Variants in SVOP observed in about 807,000 individuals in gnomAD.
SVOP encodes the protein SV2 related protein, also known as synaptic vesicle 2-related protein.
In SVOP, 17 loss-of-function variants were observed where a neutral mutation model predicts 69.1. That is an observed-to-expected ratio of 0.25 (90% CI 0.17 to 0.37). The LOEUF (loss-of-function observed/expected upper bound fraction) is 0.37. SVOP is among the 10% of genes least tolerant of loss of function. SVOP has a pLI of 1.00. For missense variants in SVOP, 435 were observed against 597.5 expected (o/e 0.73, Z 2.84); for synonymous variants, 238 against 238.6 (o/e 1.00, Z 0.02).
chr12:108,917,648 T>C (rs992867512), intron 14 of SVOP, among the ~76,000 whole-genome samples: 6 of 144,320 alleles, frequency 4.2e-5, no homozygotes, highest in African/African-American at 1.3e-4. Context: ...ACCTCATTCT[T>C]TTTTTTTTTT....
intron 2 of SVOP, among the ~76,000 whole-genome samples, chr12:108,981,964 A>ATCATCATCACCACCATCATCT (rs1392743660): frequency 6.6e-6 from 1 of 151,794 alleles, no homozygotes; most frequent in Non-Finnish European, 1.5e-5. Context: ...CATCATCTTC[A>ATCATCATCACCACCATCATCT]TCATCATCAC....
At chr12:109,019,883 A>AATCC (rs2040387034) in intron 1 of SVOP, among the ~76,000 whole-genome samples, 1 of 152,204 alleles carries the variant, frequency 6.6e-6, no homozygotes, top group African/African-American at 2.4e-5. Flanking sequence ...AGAAAAAAAT[A>AATCC]ATCCACCATT....
At chr12:108,949,418 C>A (rs1372775943) in intron 6 of SVOP, among the ~76,000 whole-genome samples, 2 of 152,062 alleles carry the variant, frequency 1.3e-5, no homozygotes, top group Non-Finnish European at 2.9e-5. Flanking sequence ...CAGGTGCATG[C>A]CACAATGCCC....
Position 108,912,289 on chromosome 12 carries a change from A to G in SVOP, c.*246T>C, listed in dbSNP as rs2039689142. 1.4e-6 allele frequency: 2 copies of G among 1,391,958 alleles called. No homozygotes were observed. Among genetic ancestry groups the G allele is most frequent in the East Asian group, 5.3e-5 (2 of 37,524 alleles). 86.2% of individuals were successfully genotyped at this position (1,391,958 alleles called of 1,614,324 possible). ...TAATATGGGTAGTCTTCCCATGTAG[A>G]TCCACAGGTTATGAACAAAGCTTTC... On this transcript the variant is annotated 3_prime_UTR_variant, in exon 16 of 16. Coordinates refer to ENST00000610966, the MANE Select transcript of SVOP (RefSeq NM_018711.5).
intron 13 of SVOP, among the ~76,000 whole-genome samples, chr12:108,918,606 C>T (rs1322696853): frequency 6.6e-6 from 1 of 152,156 alleles, no homozygotes; most frequent in East Asian, 1.9e-4. Context: ...CAGGAGGTGG[C>T]CCACAGATTC....
intron 1 of SVOP, among the ~76,000 whole-genome samples, chr12:108,990,564 C>T (rs138057303): frequency 0.89 from 131,018 of 147,102 alleles, 59,504 homozygotes; most frequent in Non-Finnish European, 0.99. Flanking sequence ...ATGTAAATGA[C>T]GAGTTAATAG....
rs529503304 is a variant in SVOP, at chr12:108,920,316, A to G, written c.1157-530T>C. On this transcript the variant is annotated intron_variant, in intron 12 of 15. Transcript: ENST00000610966. The stretch of plus-strand genomic sequence containing the variant: ...TTTAAGCCACTACATTTTTGGGATG[A>G]TTTGTTACCTGGCAATAGATAACTA... 1.2e-4 allele frequency among the ~76,000 whole-genome samples: 18 copies of G among 152,278 alleles called. No homozygotes were observed. The East Asian group carries it at 3.5e-3, about 29-fold the overall frequency.
In SVOP at chr12:108,946,401, C is replaced by T. The variant is rs564159087; in HGVS notation, c.579-1235G>A. Among the ~76,000 whole-genome samples, 26 of 152,172 alleles carry T rather than the reference C, an allele frequency of 1.7e-4. No homozygotes were observed. In the South Asian group the frequency reaches 1.9e-3, roughly 11 times the overall value. On this transcript the variant is annotated intron_variant, in intron 6 of 15. Transcript: ENST00000610966. Reference sequence around the variant, plus strand: ...AGGCATGAGCCACTGTGCCTAGCCCCGCAAATGGTATTTTTTATTTTTATC... The same window carrying T: ...AGGCATGAGCCACTGTGCCTAGCCCTGCAAATGGTATTTTTTATTTTTATC...
chr12:109,018,021 G>T (rs893100784), intron 1 of SVOP, among the ~76,000 whole-genome samples: 4 of 152,098 alleles, frequency 2.6e-5, no homozygotes, highest in Non-Finnish European at 5.9e-5. Context: ...AGGTGCTTAA[G>T]CGCAAGAACC....
chr12:108,987,581 T>C (rs2040172891), intron 1 of SVOP, among the ~76,000 whole-genome samples: 1 of 152,230 alleles, frequency 6.6e-6, no homozygotes, highest in South Asian at 2.1e-4. Context: ...AAGATTCCAA[T>C]TTCTCCACAT....
At chr12:109,004,994 T>C (rs907790271) in intron 1 of SVOP, among the ~76,000 whole-genome samples, 1 of 152,026 alleles carries the variant, frequency 6.6e-6, no homozygotes, top group Admixed American at 6.6e-5. Flanking sequence ...TGTCTTGGCC[T>C]CCCAAAGTGC....
intron 8 of SVOP, among the ~76,000 whole-genome samples, chr12:108,939,239 G>T (rs2039874606): frequency 6.6e-6 from 1 of 152,178 alleles, no homozygotes; most frequent in African/African-American, 2.4e-5. Flanking sequence ...TACAGGCAAG[G>T]TGCCTAGTGC....
In SVOP at chr12:108,912,047, C is replaced by G. The variant is rs1487178712; in HGVS notation, c.*488G>C. On this transcript the variant is annotated 3_prime_UTR_variant, in exon 16 of 16. Transcript: ENST00000610966. ...GGGCCCCTGCCAGGAAATAGCTGCT[C>G]AGACCACACCTAGATCGCCTGCAAT... 3.8e-6 allele frequency: 2 copies of G among 520,830 alleles called. No individual in the cohort carries two copies. Among genetic ancestry groups the G allele is most frequent in the African/African-American group, 2.1e-5 (1 of 48,168 alleles). The allele number at this position is 520,830 out of a possible 1,614,324, so 32.3% of individuals were successfully genotyped here. A position where few individuals can be genotyped will look rare whatever the true frequency, so the allele number is the denominator to read the frequency against.
chr12:108,983,564 G>A (rs1263698447), intron 2 of SVOP, 37 bp downstream of exon 2: 1 of 398,578 alleles, frequency 2.5e-6, no homozygotes, highest in African/African-American at 2.1e-5. Flanking sequence ...CCTTGACCGT[G>A]GCCCAGGCTG....
chr12:108,995,660 G>C (rs1360713858), intron 1 of SVOP, among the ~76,000 whole-genome samples: 3 of 152,124 alleles, frequency 2.0e-5, no homozygotes, highest in African/African-American at 7.2e-5. Context: ...CAGTACTTTG[G>C]GAAGCCCAGG....
Position 108,976,217 on chromosome 12 carries a change from G to A in SVOP, c.381+1181C>T, listed in dbSNP as rs144165741. 1.4e-4 allele frequency among the ~76,000 whole-genome samples: 22 copies of A among 152,224 alleles called. No homozygotes were observed. The East Asian group carries it at 3.3e-3, about 23-fold the overall frequency. ...AGGTGACTAAACCACAAAAACACAG[G>A]TGTATGTGCCATGAAACTCTTCCCA... On this transcript the variant is annotated intron_variant, in intron 4 of 15. Transcript: ENST00000610966.
intron 8 of SVOP, 42 bp from the exon 9 acceptor site, chr12:108,938,997 G>A (rs1056983343): frequency 3.7e-6 from 6 of 1,613,348 alleles, no homozygotes; most frequent in Non-Finnish European, 5.1e-6. Context: ...GGCTGGTTAG[G>A]GTGGAACAGA....
At chr12:108,966,704 G>T (rs948361054) in intron 5 of SVOP, among the ~76,000 whole-genome samples, 3 of 152,104 alleles carry the variant, frequency 2.0e-5, no homozygotes, top group African/African-American at 2.4e-5. Flanking sequence ...TTTCATGTTG[G>T]GTATGGAATT....
chr12:109,002,168 A>G (rs2040275314), intron 1 of SVOP, among the ~76,000 whole-genome samples: 1 of 73,258 alleles, frequency 1.4e-5, no homozygotes, highest in Admixed American at 1.9e-4. Context: ...GACACTTCTC[A>G]AAAGAAGACA....
Sources: allele counts gnomAD v4.1 joint callset (sites outside exome capture counted in the v4.1 genomes callset), GRCh38; gene constraint gnomAD v4.1.1; transcripts MANE v1.5; gene names NCBI Gene and HGNC (gene_info 2026-07-23, HGNC 2026-07-21).